PGM5: variants seen among roughly 807,000 people sequenced by gnomAD.
PGM5 encodes phosphoglucomutase 5.
PGM5 carries 23 observed loss-of-function variants against 59.2 expected under a neutral mutation model. The ratio of observed to expected loss-of-function variants is 0.39; its 90% CI spans 0.28 to 0.55. The LOEUF (loss-of-function observed/expected upper bound fraction) is 0.55, where lower values mean the gene tolerates loss of function less well. PGM5 is among the 20% of genes least tolerant of loss of function. PGM5 has a pLI of 0.66. For synonymous variants in PGM5, 214 were observed against 286.0 expected (o/e 0.75, Z 2.54); for missense variants, 574 against 748.3 (o/e 0.77, Z 2.72).
At chr9:68,448,403 G>T (rs1174405513) in intron 6 of PGM5, among the ~76,000 whole-genome samples, 2 of 152,146 alleles carry the variant, frequency 1.3e-5, no homozygotes, top group African/African-American at 4.8e-5. Flanking sequence ...GCACCTTCAT[G>T]CACAGCCTGT....
chr9:68,365,694 TATA>T (rs1834666017), intron 1 of PGM5, among the ~76,000 whole-genome samples: 1 of 152,192 alleles, frequency 6.6e-6, no homozygotes, highest in South Asian at 2.1e-4. Flanking sequence ...TTTGTATAAA[TATA>T]ATATTTAATT....
chr9:68,506,301 GA>G (rs1824653774), intron 10 of PGM5, among the ~76,000 whole-genome samples: 1 of 152,148 alleles, frequency 6.6e-6, no homozygotes, highest in Non-Finnish European at 1.5e-5. Flanking sequence ...GGCAAAAACT[GA>G]GCTGTAACCA....
rs1014888507 is a variant in PGM5, at chr9:68,530,819, T to G, written c.*1163T>G. The G allele has an allele frequency of 3.9e-5, 6 of 152,218 alleles. No individual in the cohort carries two copies. The highest frequency in any genetic ancestry group is 1.2e-4 in the African/African-American group (5 of 41,448). 9.4% of individuals were successfully genotyped at this position (152,218 alleles called of 1,614,324 possible). A position where few individuals can be genotyped will look rare whatever the true frequency, so the allele number is the denominator to read the frequency against. On this transcript the variant is annotated 3_prime_UTR_variant, in exon 11 of 11. Coordinates refer to ENST00000396396, the MANE Select transcript of PGM5 (RefSeq NM_021965.4). ...GTACTCAGCCAGGACACCCAGCGCGTGGGACCTGTTTGTGTCTGTTTTGCT... is the reference window on the plus strand; with the variant it reads ...GTACTCAGCCAGGACACCCAGCGCGGGGGACCTGTTTGTGTCTGTTTTGCT...
intron 10 of PGM5, among the ~76,000 whole-genome samples, chr9:68,505,145 A>G (rs1824634633): frequency 6.6e-6 from 1 of 152,218 alleles, no homozygotes; most frequent in African/African-American, 2.4e-5. Context: ...TTCATGGAGT[A>G]GGTAATTTCT....
chr9:68,377,614 A>G (rs1554677915), intron 1 of PGM5, among the ~76,000 whole-genome samples: 1 of 152,214 alleles, frequency 6.6e-6, no homozygotes, highest in African/African-American at 2.4e-5. Flanking sequence ...ATCTCTGCTT[A>G]GCATGACTGG....
At chr9:68,463,214 GC>G (rs1823884455) in intron 6 of PGM5, among the ~76,000 whole-genome samples, 1 of 150,142 alleles carries the variant, frequency 6.7e-6, no homozygotes, top group South Asian at 2.1e-4. Flanking sequence ...TGACCACAAA[GC>G]CAACCTAAAG....
At chr9:68,391,896 G>T (rs1359946012) in intron 5 of PGM5, among the ~76,000 whole-genome samples, 172 bp downstream of exon 5, 1 of 152,080 alleles carries the variant, frequency 6.6e-6, no homozygotes, top group African/African-American at 2.4e-5. Flanking sequence ...ATTAAATAGC[G>T]ATTACTTTTC....
At chr9:68,377,695 A>G (rs1262435610) in intron 1 of PGM5, among the ~76,000 whole-genome samples, 1 of 152,262 alleles carries the variant, frequency 6.6e-6, no homozygotes, top group African/African-American at 2.4e-5. Context: ...TTTCAGGAGA[A>G]AAGTCATTCC....
chr9:68,393,613 T>A (rs1388836801), intron 6 of PGM5, among the ~76,000 whole-genome samples: 1 of 152,068 alleles, frequency 6.6e-6, no homozygotes, highest in Non-Finnish European at 1.5e-5. Flanking sequence ...CCAGGTGTAG[T>A]GGCATGTTCC....
At chr9:68,449,961 A>G (rs1823669743) in intron 6 of PGM5, among the ~76,000 whole-genome samples, 1 of 152,132 alleles carries the variant, frequency 6.6e-6, no homozygotes, top group Non-Finnish European at 1.5e-5. Context: ...TTTAAGAGAG[A>G]TGTCCAGGGG....
rs1196466675 is a variant in PGM5, at chr9:68,437,551, T to C, written c.1044-27542T>C. Among the ~76,000 whole-genome samples the C allele has an allele frequency of 1.3e-5, 2 of 151,556 alleles. No individual in the cohort carries two copies. The highest frequency in any genetic ancestry group is 2.9e-5 in the Non-Finnish European group (2 of 67,942). On this transcript the variant is annotated intron_variant, in intron 6 of 10. Transcript: ENST00000396396. This position sits in a 1 kb window ranked among gnomAD's most constrained non-coding sequence, Gnocchi z 4.1. ...TCTCTAGGCATCTCAAGGATAGGAATCAATTTTTCAAAGGGACACACACAC... is the reference window on the plus strand; with the variant it reads ...TCTCTAGGCATCTCAAGGATAGGAACCAATTTTTCAAAGGGACACACACAC...
chr9:68,465,222 G>A lies in PGM5; in HGVS notation c.1159+14G>A. Reference sequence around the variant, plus strand: ...GCTTTGGCACTGGTAGGCTTTGTTGGGTTGATATTACTGGGGAGGGCGGCT... The same window carrying A: ...GCTTTGGCACTGGTAGGCTTTGTTGAGTTGATATTACTGGGGAGGGCGGCT... On this transcript the variant is annotated intron_variant, in intron 7 of 10. Transcript: ENST00000396396. 6.5e-7 allele frequency: 1 copy of A among 1,529,722 alleles called. No homozygotes were observed. Among genetic ancestry groups the A allele is most frequent in the Non-Finnish European group, 9.1e-7 (1 of 1,104,518 alleles). The allele number at this position is 1,529,722 out of a possible 1,614,324, so 94.8% of individuals were successfully genotyped here. A position where few individuals can be genotyped will look rare whatever the true frequency, so the allele number is the denominator to read the frequency against.
intron 6 of PGM5, among the ~76,000 whole-genome samples, chr9:68,399,503 A>G (rs1259876190): frequency 2.0e-5 from 3 of 152,002 alleles, no homozygotes; most frequent in African/African-American, 7.3e-5. Flanking sequence ...AGTAGACTAG[A>G]TAGAGAGTAA....
chr9:68,472,040 G>A (rs1554686301), intron 7 of PGM5, among the ~76,000 whole-genome samples: 2 of 151,930 alleles, frequency 1.3e-5, no homozygotes, highest in Non-Finnish European at 2.9e-5. Flanking sequence ...AGGGAAGCAT[G>A]TCAGCTGGCT....
intron 10 of PGM5, among the ~76,000 whole-genome samples, chr9:68,500,301 T>G (rs1554688541): frequency 6.6e-6 from 1 of 152,096 alleles, no homozygotes; most frequent in African/African-American, 2.4e-5. Context: ...TTTTTTGTTT[T>G]GTTTTGTTTT....
intron 6 of PGM5, among the ~76,000 whole-genome samples, chr9:68,426,150 G>A (rs1486206281): frequency 1.1e-4 from 17 of 151,992 alleles, no homozygotes; most frequent in African/African-American, 4.1e-4. Context: ...GAGGCAGAGA[G>A]TATAATGGAA....
At chr9:68,383,566 A>C (rs1202530993) in intron 2 of PGM5, among the ~76,000 whole-genome samples, 3 of 151,864 alleles carry the variant, frequency 2.0e-5, no homozygotes, top group African/African-American at 7.2e-5. Flanking sequence ...ATCAAGAAAC[A>C]ATTTTTGTTC....
chr9:68,450,816 G>A (rs1383860977), intron 6 of PGM5, among the ~76,000 whole-genome samples: 4 of 152,184 alleles, frequency 2.6e-5, no homozygotes, highest in African/African-American at 9.6e-5. Flanking sequence ...GGGATTGCAT[G>A]TGTCTGTATC....
chr9:68,387,281 G>C (rs1563988910), intron 3 of PGM5, among the ~76,000 whole-genome samples, 182 bp from the exon 4 acceptor site: 2 of 152,106 alleles, frequency 1.3e-5, no homozygotes, highest in East Asian at 3.9e-4. Flanking sequence ...GTAGTATCTT[G>C]ATTGTGCCCT....
Sources: gnomAD v4.1 joint callset for allele counts (sites outside exome capture counted in the v4.1 genomes callset) on GRCh38, gnomAD v4.1.1 for gene constraint, Gnocchi (gnomAD v3.1) non-coding constraint, MANE v1.5 for transcripts, NCBI Gene and HGNC (gene_info 2026-07-23, HGNC 2026-07-21) for gene names.